The following DCAF6 variants were observed in gnomAD, a reference collection of about 807,000 sequenced individuals.
DCAF6 encodes DDB1- and CUL4-associated factor 6.
A neutral mutation model predicts 125.1 loss-of-function variants in DCAF6; 54 were observed. The observed-to-expected ratio is 0.43, with a 90% confidence interval of 0.35 to 0.54. The LOEUF (loss-of-function observed/expected upper bound fraction) is 0.54, where lower values mean the gene tolerates loss of function less well. Ranked by LOEUF, DCAF6 falls within the 20% of genes least tolerant of loss-of-function variation. The probability of loss-of-function intolerance (pLI) is 0.01; values close to 1 mark genes in which losing one functional copy is unlikely to be tolerated. For missense variants in DCAF6, 934 were observed against 1,161.7 expected (o/e 0.80, Z 2.85); for synonymous variants, 371 against 390.4 (o/e 0.95, Z 0.58).
chr1:167,956,916 C>T (rs1674873434), intron 2 of DCAF6, among the ~76,000 whole-genome samples: 2 of 152,040 alleles, frequency 1.3e-5, no homozygotes, highest in South Asian at 2.1e-4. Context: ...AGAGAACATA[C>T]TTTCAATGAC....
At position 167,977,208 on chromosome 1, in the gene DCAF6, GTTTTT is replaced by G. The variant is rs532923328; in HGVS notation, c.438+2207_438+2211del. Among the ~76,000 whole-genome samples the G allele has an allele frequency of 3.9e-5, 5 of 127,186 alleles. 1 individual carries two copies. In the Middle Eastern group the frequency reaches 0.021, roughly 539 times the overall value. The allele number at this position is 127,186 out of a possible 152,430, so 83.4% of individuals were successfully genotyped here. On this transcript the variant is annotated intron_variant, in intron 4 of 21. Coordinates refer to ENST00000367840, the MANE Select transcript of DCAF6 (RefSeq NM_001198956.2). ...CATGAACCACCGTGCCTGGGCCACA[GTTTTT>G]TTTTTTTTTTTTTACATGAGAGTTT...
chr1:168,049,687 G>A (rs1263931512), intron 16 of DCAF6, among the ~76,000 whole-genome samples: 2 of 112,404 alleles, frequency 1.8e-5, no homozygotes, highest in African/African-American at 3.6e-5. Flanking sequence ...ACGGAGTCTC[G>A]CTCCCTCACC....
At chr1:167,953,876 G>A (rs1002400083) in intron 2 of DCAF6, among the ~76,000 whole-genome samples, 1 of 152,246 alleles carries the variant, frequency 6.6e-6, no homozygotes, top group East Asian at 1.9e-4. Flanking sequence ...TGGGATTGCA[G>A]GTGTAAGCCA....
At position 168,003,933 on chromosome 1, in the gene DCAF6, A is replaced by G. The variant is rs1682983482; in HGVS notation, c.1061A>G (p.Glu354Gly). The change falls in exon 9 of 22, where the codon GAA (glutamate) becomes GGA (glycine). Residue 354 changes from glutamate (E) to glycine (G), a missense_variant. This residue lies in a region of DCAF6 where 559 missense variants were observed against 635.5 expected (regional missense o/e 0.88). Transcript: ENST00000367840. ...RMSDMLSRWF[E>G]EASEVAQSNR... ...TCTGATATGTTATCAAGATGGTTTGAAGAAGCAAGTGAGGTTGCACAAAGC... is the reference window on the plus strand; with the variant it reads ...TCTGATATGTTATCAAGATGGTTTGGAGAAGCAAGTGAGGTTGCACAAAGC... The G allele has an allele frequency of 6.2e-7, 1 of 1,612,270 alleles. No homozygotes were observed. Among genetic ancestry groups the G allele is most frequent in the Non-Finnish European group, 8.5e-7 (1 of 1,179,322 alleles).
chr1:167,883,584 T>C, the DCAF6 span: 3 of 1,614,236 alleles, frequency 1.9e-6, no homozygotes, highest in Non-Finnish European at 2.5e-6. Flanking sequence ...CAATCGTCAC[T>C]GGGCGAAGCT....
rs752171575 is a variant in DCAF6, at chr1:168,050,936, A to C, written c.2300+3A>C. 7.3e-7 allele frequency: 1 copy of C among 1,376,276 alleles called. No individual in the cohort carries two copies. Among genetic ancestry groups the C allele is most frequent in the South Asian group, 1.7e-5 (1 of 57,500 alleles). 85.3% of individuals were successfully genotyped at this position (1,376,276 alleles called of 1,614,324 possible). A position where few individuals can be genotyped will look rare whatever the true frequency, so the allele number is the denominator to read the frequency against. Reference sequence around the variant, plus strand: ...ACAATAGGTGATAGAATAATGAGGTAATTCAGTATGTTCCTTCATAATTTT... The same window carrying C: ...ACAATAGGTGATAGAATAATGAGGTCATTCAGTATGTTCCTTCATAATTTT... On this transcript the variant is annotated splice_donor_region_variant and intron_variant, in intron 17 of 21. Transcript: ENST00000367840.
intron 17 of DCAF6, among the ~76,000 whole-genome samples, chr1:168,059,759 C>T (rs1191672866): frequency 6.6e-5 from 10 of 152,142 alleles, no homozygotes; most frequent in Non-Finnish European, 1.5e-5. Flanking sequence ...GATCCTCCCA[C>T]CTCAGCTTCC....
chr1:168,001,641 G>GT (rs1013339972), intron 7 of DCAF6, among the ~76,000 whole-genome samples: 18 of 151,900 alleles, frequency 1.2e-4, no homozygotes, highest in East Asian at 1.9e-4. Context: ...TTGAAATATT[G>GT]TTTTTTTTCT....
chr1:167,986,632 C>T (rs1680044953), intron 4 of DCAF6, among the ~76,000 whole-genome samples: 1 of 152,172 alleles, frequency 6.6e-6, no homozygotes, highest in Non-Finnish European at 1.5e-5. Flanking sequence ...GAGTGCACAA[C>T]CTGTGAGAAA....
At chr1:167,970,148 CA>C (rs1677081338) in intron 3 of DCAF6, among the ~76,000 whole-genome samples, 1 of 152,118 alleles carries the variant, frequency 6.6e-6, no homozygotes, top group African/African-American at 2.4e-5. Flanking sequence ...GATCACTATT[CA>C]GAATTTTAAC....
At chr1:167,876,862 T>C in the DCAF6 span, among the ~76,000 whole-genome samples, 2 of 152,208 alleles carry the variant, frequency 1.3e-5, no homozygotes, top group Non-Finnish European at 2.9e-5. Context: ...TGCTTTTGCA[T>C]TGGGCCTGCT....
intron 2 of DCAF6, among the ~76,000 whole-genome samples, chr1:167,962,220 G>T (rs1675722545): frequency 6.6e-6 from 1 of 152,026 alleles, no homozygotes; most frequent in Admixed American, 6.6e-5. Context: ...GTAATTGATG[G>T]TTTTGAGTTT....
chr1:167,921,846 A>T, the DCAF6 span, among the ~76,000 whole-genome samples: 11 of 152,286 alleles, frequency 7.2e-5, no homozygotes, highest in African/African-American at 2.6e-4. Flanking sequence ...AAAAAGACTG[A>T]TTGTCAATGA....
intron 21 of DCAF6, among the ~76,000 whole-genome samples, chr1:168,072,321 A>AAAAAAAAAAG (rs1693200024): frequency 2.7e-5 from 4 of 146,270 alleles, no homozygotes; most frequent in African/African-American, 1.0e-4. Context: ...AAAAAAAAAA[A>AAAAAAAAAAG]AAAAGAAAAG....
At chr1:167,884,594 A>T in the DCAF6 span, among the ~76,000 whole-genome samples, 1 of 150,566 alleles carries the variant, frequency 6.6e-6, no homozygotes, top group Non-Finnish European at 1.5e-5. Flanking sequence ...CTTTTTTTGT[A>T]CTCATTGACC....
rs1489228452 is a variant in DCAF6 at position 168,056,134 on chromosome 1, G to A, written c.2300+5201G>A. 19 of 1,596,704 alleles carry A rather than the reference G, an allele frequency of 1.2e-5. No homozygotes were observed. The Admixed American group carries it at 2.8e-4, about 24-fold the overall frequency. On this transcript the variant is annotated intron_variant, in intron 17 of 21. Transcript: ENST00000367840. ...CTTTCCAAAGCACCAAACTCATCTT[G>A]TTTGTTCAATTTTGTCCCAACTTCA...
chr1:167,928,966 T>G, the DCAF6 span, among the ~76,000 whole-genome samples: 3 of 152,248 alleles, frequency 2.0e-5, no homozygotes, highest in Non-Finnish European at 1.5e-5. Flanking sequence ...GAAAAAGAAT[T>G]AATACATTTT....
chr1:167,994,103 A>G (rs1321766353), intron 7 of DCAF6, among the ~76,000 whole-genome samples: 3 of 151,986 alleles, frequency 2.0e-5, no homozygotes, highest in South Asian at 2.1e-4. Flanking sequence ...ACTAGCGTCT[A>G]TTCTTAATAA....
chr1:167,930,359 T>C, the DCAF6 span, among the ~76,000 whole-genome samples: 1 of 152,222 alleles, frequency 6.6e-6, no homozygotes, highest in African/African-American at 2.4e-5. Flanking sequence ...CTTTTAGATT[T>C]AGAAAGACTG....
Sources: gnomAD v4.1 joint callset for allele counts (sites outside exome capture counted in the v4.1 genomes callset) on GRCh38, gnomAD v4.1.1 for gene constraint, gnomAD v4.1.1 regional missense constraint, MANE v1.5 for transcripts, NCBI Gene and HGNC (gene_info 2026-07-23, HGNC 2026-07-21) for gene names.